Variants in OR7E24 observed in about 807,000 individuals in gnomAD.
The protein encoded by OR7E24 is olfactory receptor 7E24.
For missense variants in OR7E24, 385 were observed against 410.3 expected (o/e 0.94, Z 0.53); for synonymous variants, 130 against 157.5 (o/e 0.83, Z 1.31).
chr19:9,245,552 G>A (rs933212262), upstream of OR7E24, among the ~76,000 whole-genome samples: 1 of 152,180 alleles, frequency 6.6e-6, no homozygotes, highest in Non-Finnish European at 1.5e-5. Flanking sequence ...ACTTCTGGGT[G>A]CATACTTAAA....
At chr19:9,208,449 T>G in the OR7E24 span, 2 of 152,208 alleles carry the variant, frequency 1.3e-5, no homozygotes, top group African/African-American at 2.4e-5. Context: ...TTAAAACATA[T>G]GTCTTTGTGA....
Position 9,251,738 on chromosome 19 carries a change from T to C in OR7E24, c.695T>C (p.Ile232Thr). 1 of 1,612,278 alleles carries C rather than the reference T, an allele frequency of 6.2e-7. No homozygotes were observed. The highest frequency in any genetic ancestry group is 8.5e-7 in the Non-Finnish European group (1 of 1,178,994). Residue 232 changes from isoleucine (I) to threonine (T), a missense_variant, in exon 1 of 1, where the codon ATC becomes ACC. Ile to Thr is a moderately conservative substitution (Grantham distance 89, BLOSUM62 -1). Coordinates refer to ENST00000456448, the MANE Select transcript of OR7E24 (RefSeq NM_001079935.2). ...AIFGCLPISG[I>T]LFSYYKIVSP... ...TTTGGCTGTCTCCCTATCTCAGGGA[T>C]CCTTTTCTCTTACTATAAAATTGTT... is the stretch of plus-strand genomic sequence containing the variant.
At chr19:9,217,819 A>G in the OR7E24 span, among the ~76,000 whole-genome samples, 1 of 152,086 alleles carries the variant, frequency 6.6e-6, no homozygotes, top group Non-Finnish European at 1.5e-5. Flanking sequence ...GATTACAGAC[A>G]TGAGCTACTG....
At chr19:9,239,402 G>A in the OR7E24 span, among the ~76,000 whole-genome samples, 1 of 152,052 alleles carries the variant, frequency 6.6e-6, no homozygotes, top group Non-Finnish European at 1.5e-5. Flanking sequence ...TTGATCTCCT[G>A]ACCCCGTGAT....
At chr19:9,233,640 T>C in the OR7E24 span, among the ~76,000 whole-genome samples, 12 of 152,178 alleles carry the variant, frequency 7.9e-5, no homozygotes, top group Non-Finnish European at 1.6e-4. Flanking sequence ...AACAGTTCTA[T>C]TCATCTTCAC....
the OR7E24 span, chr19:9,236,233 C>CTTAAA: frequency 1.7e-6 from 1 of 580,454 alleles, no homozygotes; most frequent in African/African-American, 1.9e-5. Flanking sequence ...TTTTGTATGG[C>CTTAAA]CGGGCACGGT....
At chr19:9,210,037 G>A in the OR7E24 span, 1 of 152,096 alleles carries the variant, frequency 6.6e-6, no homozygotes, top group South Asian at 2.1e-4. Context: ...CATATCAAAT[G>A]TACTGATTAG....
In OR7E24 at chr19:9,251,460, C is replaced by T. The variant is rs142338839; in HGVS notation, c.417C>T (p.Asp139=). ...TGCTCCTGAGTGTGATGGCCTATGA[C>T]CGGTTTGTGGCCATCTGTCACCCCC... ...DDMLLSVMAY[D]RFVAICHPLH... is the part of the protein sequence containing the mutation. Residue 139 remains aspartate, a synonymous_variant, in exon 1 of 1, where the codon GAC becomes GAT. Transcript: ENST00000456448. 1.9e-3 allele frequency: 3,034 copies of T among 1,614,134 alleles called. 45 individuals are homozygous for T. In the African/African-American group the frequency reaches 0.034, roughly 18 times the overall value.
At chr19:9,249,958 G>C (rs1339890820), upstream of OR7E24, among the ~76,000 whole-genome samples, 1 of 151,418 alleles carries the variant, frequency 6.6e-6, no homozygotes, top group Non-Finnish European at 1.5e-5. Flanking sequence ...TCGAGACTCA[G>C]GTCTTAAAAA....
chr19:9,218,051 T>C, the OR7E24 span, among the ~76,000 whole-genome samples: 1 of 152,214 alleles, frequency 6.6e-6, no homozygotes, highest in Non-Finnish European at 1.5e-5. Flanking sequence ...CCTTTCACAT[T>C]GGTCAACTTA....
chr19:9,225,747 T>C, the OR7E24 span, among the ~76,000 whole-genome samples: 260 of 152,350 alleles, frequency 1.7e-3, no homozygotes, highest in Non-Finnish European at 3.0e-3. Flanking sequence ...TGGATGGTCA[T>C]GGATGCTGCG....
upstream of OR7E24, among the ~76,000 whole-genome samples, chr19:9,249,770 T>A (rs555886404): frequency 6.6e-6 from 1 of 152,240 alleles, no homozygotes; most frequent in South Asian, 2.1e-4. Context: ...CTGGCCAACA[T>A]GGTGAAACTC....
the OR7E24 span, among the ~76,000 whole-genome samples, chr19:9,232,537 G>A: frequency 1.7e-5 from 1 of 59,112 alleles, no homozygotes; most frequent in Non-Finnish European, 2.6e-5. Flanking sequence ...AAACTCCGTC[G>A]CAAAAAAAAA....
At chr19:9,208,653 T>C in the OR7E24 span, 1 of 151,682 alleles carries the variant, frequency 6.6e-6, no homozygotes, top group Non-Finnish European at 1.5e-5. Context: ...ACATAAATGA[T>C]AGTCAAAGAA....
the OR7E24 span, chr19:9,235,009 AAT>A: frequency 1.9e-6 from 1 of 516,992 alleles, no homozygotes; most frequent in East Asian, 3.1e-5. Context: ...GCACGTTTCA[AAT>A]GGAATTAGGC....
the OR7E24 span, among the ~76,000 whole-genome samples, chr19:9,216,599 C>CTT: frequency 6.7e-6 from 1 of 148,404 alleles, no homozygotes; most frequent in African/African-American, 2.5e-5. Flanking sequence ...TGTTCTTTTG[C>CTT]TTTTTTTTTT....
the OR7E24 span, among the ~76,000 whole-genome samples, chr19:9,234,108 T>G: frequency 6.6e-6 from 1 of 152,138 alleles, no homozygotes; most frequent in Non-Finnish European, 1.5e-5. Context: ...TTCACCATGT[T>G]GGCCAGGCTG....
the OR7E24 span, chr19:9,235,073 C>A: frequency 1.7e-6 from 1 of 601,738 alleles, no homozygotes; most frequent in South Asian, 2.1e-5. Flanking sequence ...ATAGAAGTTG[C>A]ATCCAAGGGT....
At chr19:9,238,303 A>G in the OR7E24 span, among the ~76,000 whole-genome samples, 1 of 151,610 alleles carries the variant, frequency 6.6e-6, no homozygotes, top group East Asian at 1.9e-4. Flanking sequence ...AAATAAACAA[A>G]AAAACAATGA....
Sources: allele counts gnomAD v4.1 joint callset (sites outside exome capture counted in the v4.1 genomes callset), GRCh38; gene constraint gnomAD v4.1.1; transcripts MANE v1.5; gene names NCBI Gene and HGNC (gene_info 2026-07-23, HGNC 2026-07-21).